The following OLFM2 variants were observed in gnomAD, a reference collection of about 807,000 sequenced individuals.
OLFM2 encodes the protein noelin-2.
A neutral mutation model predicts 43.9 loss-of-function variants in OLFM2; 20 were observed. The ratio of observed to expected loss-of-function variants is 0.46; its 90% CI spans 0.32 to 0.66. The LOEUF (loss-of-function observed/expected upper bound fraction) is 0.66. OLFM2 is among the 30% of genes least tolerant of loss of function. The probability of loss-of-function intolerance (pLI) is 0.04; values close to 1 mark genes in which losing one functional copy is unlikely to be tolerated. For synonymous variants in OLFM2, 268 were observed against 278.6 expected (o/e 0.96, Z 0.38); for missense variants, 416 against 643.6 (o/e 0.65, Z 3.83).
chr19:9,863,621 T>C (rs1424299591), intron 1 of OLFM2, among the ~76,000 whole-genome samples: 1 of 151,990 alleles, frequency 6.6e-6, no homozygotes, highest in Non-Finnish European at 1.5e-5. Flanking sequence ...CAGCCATTAC[T>C]AGATCTCCCA....
intron 1 of OLFM2, among the ~76,000 whole-genome samples, chr19:9,925,352 T>C (rs940828031): frequency 6.6e-6 from 1 of 152,152 alleles, no homozygotes; most frequent in Non-Finnish European, 1.5e-5. Flanking sequence ...GGTGAGGATG[T>C]GGAAAAATAG....
chr19:9,861,289 C>A (rs543927724), intron 1 of OLFM2, among the ~76,000 whole-genome samples: 1 of 149,444 alleles, frequency 6.7e-6, no homozygotes, highest in African/African-American at 2.5e-5. Context: ...AGAGCAGTGG[C>A]GCGATCTGGG....
chr19:9,886,720 GTTTC>G (rs1231613126), intron 1 of OLFM2, among the ~76,000 whole-genome samples: 1 of 141,922 alleles, frequency 7.0e-6, no homozygotes, highest in Non-Finnish European at 1.6e-5. Context: ...CATTCATCTC[GTTTC>G]TTTTTCTTTC....
intron 5 of OLFM2, among the ~76,000 whole-genome samples, chr19:9,855,602 C>T (rs1344299824): frequency 1.3e-5 from 2 of 151,722 alleles, no homozygotes; most frequent in Non-Finnish European, 2.9e-5. Context: ...GGCACAATCA[C>T]GGCTCACTGC....
chr19:9,865,038 C>T (rs1332331999), intron 1 of OLFM2, among the ~76,000 whole-genome samples: 1 of 151,918 alleles, frequency 6.6e-6, no homozygotes, highest in Non-Finnish European at 1.5e-5. Flanking sequence ...CACTTAAATC[C>T]TCCCTGAAAG....
rs377238853 is a variant in OLFM2 at position 9,867,883 on chromosome 19, C to G, written c.64-7089G>C. On this transcript the variant is annotated intron_variant, in intron 1 of 5. Transcript: ENST00000264833. Reference sequence around the variant, plus strand: ...AATTAGAAATTAATTTGATCAAAAGCTATTACACATGCTAGAAAAAAAATT... The same window carrying G: ...AATTAGAAATTAATTTGATCAAAAGGTATTACACATGCTAGAAAAAAAATT... Among the ~76,000 whole-genome samples, 12 of 151,702 alleles carry G rather than the reference C, an allele frequency of 7.9e-5. No individual in the cohort carries two copies. The East Asian group carries it at 1.5e-3, about 20-fold the overall frequency.
chr19:9,876,003 G>A (rs533087161), intron 1 of OLFM2, among the ~76,000 whole-genome samples: 140 of 152,222 alleles, frequency 9.2e-4, no homozygotes, highest in African/African-American at 3.3e-3. Flanking sequence ...GCTGAAGGCA[G>A]AGAATCTAAA....
chr19:9,865,168 C>CT (rs35685928), intron 1 of OLFM2, among the ~76,000 whole-genome samples: 4,282 of 143,842 alleles, frequency 0.03, 183 homozygotes, highest in African/African-American at 0.1. Context: ...TTCTTCTCCT[C>CT]TTTTTTTTTT....
At position 9,936,317 on chromosome 19, in the gene OLFM2, C is replaced by T; in HGVS notation, c.50G>A (p.Gly17Asp). The T allele has an allele frequency of 6.6e-7, 1 of 1,525,396 alleles. No individual in the cohort carries two copies. The highest frequency in any genetic ancestry group is 8.7e-7 in the Non-Finnish European group (1 of 1,143,036). The allele number at this position is 1,525,396 out of a possible 1,614,324, so 94.5% of individuals were successfully genotyped here. The change falls in exon 1 of 6, where the codon GGC becomes GAC. Residue 17 changes from glycine to aspartate, a missense_variant. Gly to Asp is a moderately conservative substitution (Grantham distance 94, BLOSUM62 -1). Transcript: ENST00000264833. The stretch of plus-strand genomic sequence containing the variant: ...CCGGGCCCCTACCTGTCCGGCCAGG[C>T]CTGAGCACAGCAGCAGCAGCAGCGG... ...PPPLLLLLCS[G>D]LAGQTLFQNP...
Position 9,854,158 on chromosome 19 carries a change from A to G in OLFM2, c.*28T>C, listed in dbSNP as rs1187627841. Reference sequence around the variant, plus strand: ...GGCCCCCAGCCCCCAGAGGCCCCCCAGGCAGCAGCCCGAGCCACAGCATTG... The same window carrying G: ...GGCCCCCAGCCCCCAGAGGCCCCCCGGGCAGCAGCCCGAGCCACAGCATTG... On this transcript the variant is annotated 3_prime_UTR_variant, in exon 6 of 6. Coordinates refer to ENST00000264833, the MANE Select transcript of OLFM2 (RefSeq NM_058164.4). The surrounding 1 kb of genome is among the most constrained non-coding windows in gnomAD (Gnocchi z 9.5). The G allele has an allele frequency of 6.2e-7, 1 of 1,611,386 alleles. No individual in the cohort carries two copies.
intron 1 of OLFM2, among the ~76,000 whole-genome samples, chr19:9,896,885 T>C (rs118102743): frequency 0.012 from 1,850 of 152,188 alleles, 25 homozygotes; most frequent in South Asian, 0.021. Flanking sequence ...CTTAAAAGCA[T>C]ATAAGAAGTC....
At chr19:9,904,206 T>TGTG in intron 1 of OLFM2, among the ~76,000 whole-genome samples, 1 of 103,218 alleles carries the variant, frequency 9.7e-6, no homozygotes, top group African/African-American at 3.4e-5. Flanking sequence ...GTGTGTGTGT[T>TGTG]TTGAGATGGA....
At chr19:9,934,372 C>A (rs995619690) in intron 1 of OLFM2, among the ~76,000 whole-genome samples, 31 of 152,148 alleles carry the variant, frequency 2.0e-4, no homozygotes, top group African/African-American at 7.2e-4. Context: ...CCTCCACTGA[C>A]CTCGTTAGTC....
intron 1 of OLFM2, among the ~76,000 whole-genome samples, chr19:9,928,216 A>G (rs1417593788): frequency 6.6e-6 from 1 of 151,900 alleles, no homozygotes; most frequent in Non-Finnish European, 1.5e-5. Context: ...GCGTCTTAAA[A>G]AAAAAAAAAC....
At chr19:9,872,310 G>A (rs1279255804) in intron 1 of OLFM2, among the ~76,000 whole-genome samples, 1 of 152,024 alleles carries the variant, frequency 6.6e-6, no homozygotes, top group Non-Finnish European at 1.5e-5. Flanking sequence ...TTAGGAGTTC[G>A]GGACCAGCCT....
rs36124685 is a variant in OLFM2 at position 9,919,176 on chromosome 19, C to CTTT, written c.63+17125_63+17127dup. ...ACGCAGTGAGACCTCATTTCTCTCTCTTTTTTTTGAGATGGAGTCTCGCTC... is the reference window on the plus strand; with the variant it reads ...ACGCAGTGAGACCTCATTTCTCTCTCTTTTTTTTTTTGAGATGGAGTCTCGCTC... On this transcript the variant is annotated intron_variant, in intron 1 of 5. Transcript: ENST00000264833. Among the ~76,000 whole-genome samples, 256 of 149,234 alleles carry CTTT rather than the reference C, an allele frequency of 1.7e-3. 2 individuals are homozygous for CTTT. The highest frequency in any genetic ancestry group is 6.5e-3 in the East Asian group (33 of 5,114).
intron 1 of OLFM2, among the ~76,000 whole-genome samples, chr19:9,864,395 G>A (rs976621946): frequency 6.6e-5 from 10 of 152,230 alleles, no homozygotes; most frequent in African/African-American, 2.4e-4. Context: ...CCACCTCCTG[G>A]GTTCAAGCGA....
At position 9,857,408 on chromosome 19, in the gene OLFM2, G is replaced by T; in HGVS notation, c.435C>A (p.Thr145=). Residue 145 remains threonine (T), a synonymous_variant, in exon 4 of 6, where the codon ACC becomes ACA. Transcript: ENST00000264833. This position sits in a 1 kb window ranked among gnomAD's most constrained non-coding sequence, Gnocchi z 5.7. The stretch of plus-strand genomic sequence containing the variant: ...TCACCTCCTCCCGCAAGCGTACAAT[G>T]GTCCGCGTGTCTGCCTTGTACTGCT... ...VLEQYKADTR[T]IVRLREEVRN... The T allele has an allele frequency of 6.2e-7, 1 of 1,614,126 alleles. No homozygotes were observed. Among genetic ancestry groups the T allele is most frequent in the Non-Finnish European group, 8.5e-7 (1 of 1,180,010 alleles).
chr19:9,907,415 CGGTGCCACTGCACTCCAGCCTG>C (rs1233495860), intron 1 of OLFM2, among the ~76,000 whole-genome samples: 2 of 151,844 alleles, frequency 1.3e-5, no homozygotes, highest in Admixed American at 1.3e-4. Flanking sequence ...TGGGCCAAGA[CGGTGCCACTGCACTCCAGCCTG>C]GGTGAGAGCG....
Sources: gnomAD v4.1 joint callset for allele counts (sites outside exome capture counted in the v4.1 genomes callset) on GRCh38, gnomAD v4.1.1 for gene constraint, Gnocchi (gnomAD v3.1) non-coding constraint, MANE v1.5 for transcripts, NCBI Gene and HGNC (gene_info 2026-07-23, HGNC 2026-07-21) for gene names.